CDH12: variants seen among roughly 807,000 people sequenced by gnomAD.
The protein encoded by CDH12 is cadherin 12.
Under a neutral mutation model 74.1 loss-of-function variants are expected in CDH12, and 41 were observed. The observed-to-expected ratio is 0.55, with a 90% confidence interval of 0.43 to 0.72. CDH12 has a LOEUF of 0.72. CDH12 is among the 30% of genes least tolerant of loss of function. The pLI is 0.00. For synonymous variants in CDH12, 399 were observed against 355.0 expected, an observed-to-expected ratio of 1.12 and a Z score of -1.39; for missense variants, 945 against 977.2, an observed-to-expected ratio of 0.97 and a Z score of 0.44.
intron 4 of CDH12, among the ~76,000 whole-genome samples, chr5:22,197,440 C>T (rs992475333): frequency 5.3e-5 from 8 of 152,020 alleles, no homozygotes; most frequent in African/African-American, 7.2e-5. Context: ...GAGCGAGACA[C>T]CGTCTCAAAA....
chr5:21,959,924 C>CAAAAAA (rs1201352707), intron 6 of CDH12, among the ~76,000 whole-genome samples: 1 of 49,778 alleles, frequency 2.0e-5, no homozygotes, highest in African/African-American at 6.2e-5. Flanking sequence ...GGCTCCATCT[C>CAAAAAA]AAAAAAAAAA....
rs1294873234 is a variant in CDH12 at position 22,529,186 on chromosome 5, TATAGAGAGAG to T, written c.-522-23832_-522-23823del. Among the ~76,000 whole-genome samples, 381 of 69,558 alleles carry T rather than the reference TATAGAGAGAG, an allele frequency of 5.5e-3. 5 individuals carry two copies. Among genetic ancestry groups the T allele is most frequent in the African/African-American group, 0.015 (299 of 20,128 alleles). The allele number at this position is 69,558 out of a possible 152,430, so 45.6% of individuals were successfully genotyped here. ...ATGTGTATATATATATATATATATA[TATAGAGAGAG>T]AGAGAGAGAGAGAGAGAGAGAGAGA... On this transcript the variant is annotated intron_variant, in intron 1 of 14. Transcript: ENST00000382254.
intron 1 of CDH12, among the ~76,000 whole-genome samples, chr5:22,508,346 A>G (rs776204370): frequency 2.0e-5 from 3 of 152,216 alleles, no homozygotes; most frequent in Non-Finnish European, 2.9e-5. Flanking sequence ...TTGCAACCTG[A>G]CTCAGGCATC....
In CDH12 at chr5:22,078,714, C is replaced by T. The variant is rs747411473; in HGVS notation, c.-38G>A. 3.7e-6 allele frequency: 6 copies of T among 1,604,358 alleles called. No individual in the cohort carries two copies. Among genetic ancestry groups the T allele is most frequent in the Non-Finnish European group, 5.1e-6 (6 of 1,174,620 alleles). On this transcript the variant is annotated 5_prime_UTR_variant, in exon 5 of 15. Transcript: ENST00000382254. Reference sequence around the variant, plus strand: ...TCCTACAGCAGAGTAATAAAAACTCCAACACTTAACGTAGAATTGTGGAAT... The same window carrying T: ...TCCTACAGCAGAGTAATAAAAACTCTAACACTTAACGTAGAATTGTGGAAT...
At chr5:22,783,511 A>G (rs1231535480) in intron 1 of CDH12, among the ~76,000 whole-genome samples, 1 of 152,182 alleles carries the variant, frequency 6.6e-6, no homozygotes, top group African/African-American at 2.4e-5. Flanking sequence ...AATATTATGA[A>G]TAAAGGCTTT....
intron 1 of CDH12, among the ~76,000 whole-genome samples, chr5:22,607,527 C>T (rs1051323290): frequency 6.6e-6 from 1 of 152,212 alleles, no homozygotes; most frequent in Admixed American, 6.5e-5. Context: ...CTGAAACTTA[C>T]TCACTATCAC....
intron 4 of CDH12, among the ~76,000 whole-genome samples, chr5:22,153,793 C>T (rs1458285130): frequency 6.9e-6 from 1 of 145,958 alleles, no homozygotes; most frequent in African/African-American, 2.5e-5. Context: ...ATGAAATCAA[C>T]CTAAATGTCT....
intron 3 of CDH12, among the ~76,000 whole-genome samples, chr5:22,364,350 C>T (rs1398879726): frequency 6.6e-6 from 1 of 152,026 alleles, no homozygotes; most frequent in Non-Finnish European, 1.5e-5. Flanking sequence ...CAAATGTTAA[C>T]TAAAAAGATG....
intron 1 of CDH12, among the ~76,000 whole-genome samples, chr5:22,801,083 G>A (rs1316994958): frequency 6.6e-6 from 1 of 152,082 alleles, no homozygotes; most frequent in Non-Finnish European, 1.5e-5. Context: ...TGGATCATAT[G>A]GTAAGAGTAA....
At chr5:22,583,577 A>G (rs995191768) in intron 1 of CDH12, among the ~76,000 whole-genome samples, 2 of 152,170 alleles carry the variant, frequency 1.3e-5, no homozygotes, top group Non-Finnish European at 2.9e-5. Flanking sequence ...TCTGTTTGTA[A>G]CACATGTAGA....
chr5:22,542,284 A>G (rs1738140029), intron 1 of CDH12, among the ~76,000 whole-genome samples: 2 of 152,166 alleles, frequency 1.3e-5, no homozygotes, highest in South Asian at 4.1e-4. Context: ...AGCAATTTTA[A>G]AAAATTGGTC....
chr5:22,081,033 C>G (rs543356916), intron 4 of CDH12, among the ~76,000 whole-genome samples: 3 of 152,274 alleles, frequency 2.0e-5, no homozygotes, highest in African/African-American at 4.8e-5. Flanking sequence ...CCTGCCTCAG[C>G]CTCCCAACGT....
chr5:22,825,154 G>T (rs1736217116), intron 1 of CDH12, among the ~76,000 whole-genome samples: 1 of 152,068 alleles, frequency 6.6e-6, no homozygotes, highest in African/African-American at 2.4e-5. Context: ...TAGGAGCCAT[G>T]TGTAGTTCTA....
chr5:22,006,399 C>A lies in CDH12; in HGVS notation c.232-31014G>T, dbSNP rs975019533. On this transcript the variant is annotated intron_variant, in intron 5 of 14. Coordinates refer to ENST00000382254, the MANE Select transcript of CDH12 (RefSeq NM_004061.5). Reference sequence around the variant, plus strand: ...ACAGCCTCAATCCTTATTAATACACCTAAATATCCCTCTCATCTAAACTTC... The same window carrying A: ...ACAGCCTCAATCCTTATTAATACACATAAATATCCCTCTCATCTAAACTTC... 1.5e-4 allele frequency among the ~76,000 whole-genome samples: 23 copies of A among 151,748 alleles called. 1 individual carries two copies. Among genetic ancestry groups the A allele is most frequent in the Non-Finnish European group, 4.4e-5 (3 of 67,944 alleles).
At chr5:22,038,788 C>T (rs1021296034) in intron 5 of CDH12, among the ~76,000 whole-genome samples, 16 of 152,084 alleles carry the variant, frequency 1.1e-4, no homozygotes, top group African/African-American at 3.4e-4. Flanking sequence ...GGATTTGTGC[C>T]TCGACTGAGC....
At chr5:22,289,062 T>C (rs2150411912) in intron 3 of CDH12, among the ~76,000 whole-genome samples, 1 of 152,116 alleles carries the variant, frequency 6.6e-6, no homozygotes, top group South Asian at 2.1e-4. Flanking sequence ...GAGACTTGTA[T>C]CATAAAGCAG....
chr5:21,922,855 A>G (rs1413673070), intron 6 of CDH12, among the ~76,000 whole-genome samples: 2 of 151,994 alleles, frequency 1.3e-5, no homozygotes, highest in South Asian at 2.1e-4. Flanking sequence ...TCTCTCCAAT[A>G]TCTTGTCTAC....
intron 1 of CDH12, among the ~76,000 whole-genome samples, chr5:22,656,501 C>T (rs371307193): frequency 4.6e-5 from 7 of 152,048 alleles, no homozygotes; most frequent in African/African-American, 1.7e-4. Context: ...AGTGGAGATA[C>T]AAATTATTTA....
At chr5:22,291,143 A>T (rs1344605886) in intron 3 of CDH12, among the ~76,000 whole-genome samples, 2 of 152,188 alleles carry the variant, frequency 1.3e-5, no homozygotes, top group Non-Finnish European at 2.9e-5. Flanking sequence ...ATAGGAGCAG[A>T]AAAAGCATTT....
Sources: gnomAD v4.1 joint callset for allele counts (sites outside exome capture counted in the v4.1 genomes callset) on GRCh38, gnomAD v4.1.1 for gene constraint, MANE v1.5 for transcripts, NCBI Gene and HGNC (gene_info 2026-07-23, HGNC 2026-07-21) for gene names.